Variants in MYOZ2 observed in about 807,000 individuals in gnomAD.
The protein encoded by MYOZ2 is myozenin 2, also known as myozenin-2.
A neutral mutation model predicts 25.4 loss-of-function variants in MYOZ2; 19 were observed. The observed-to-expected ratio is 0.75, with a 90% CI of 0.52 to 1.10. The LOEUF is 1.10. Ranked by LOEUF, MYOZ2 falls within the 50% of genes least tolerant of loss-of-function variation. The pLI, the probability that MYOZ2 is intolerant of heterozygous loss-of-function variation, is 0.00. For synonymous variants in MYOZ2, 92 were observed against 106.9 expected (o/e 0.86, Z 0.86); for missense variants, 270 against 317.9 (o/e 0.85, Z 1.15).
chr4:119,173,529 G>A (rs2149227791), intron 5 of MYOZ2, among the ~76,000 whole-genome samples: 1 of 152,344 alleles, frequency 6.6e-6, no homozygotes, highest in South Asian at 2.1e-4. Flanking sequence ...CAAACAGGAT[G>A]TAGCCTCAAT....
At chr4:119,159,164 C>T (rs1741650806) in intron 4 of MYOZ2, among the ~76,000 whole-genome samples, 1 of 152,084 alleles carries the variant, frequency 6.6e-6, no homozygotes, top group African/African-American at 2.4e-5. Context: ...GGGCCAGGCA[C>T]AGTGGCTCAC....
chr4:119,178,774 T>C (rs1307515159), intron 5 of MYOZ2, among the ~76,000 whole-genome samples: 1 of 152,078 alleles, frequency 6.6e-6, no homozygotes, highest in African/African-American at 2.4e-5. Context: ...ACCCGGCTAA[T>C]TTTTGTGTTT....
intron 5 of MYOZ2, among the ~76,000 whole-genome samples, chr4:119,174,748 C>A (rs541030925): frequency 2.0e-5 from 3 of 152,150 alleles, no homozygotes; most frequent in African/African-American, 7.2e-5. Context: ...GCAACCCGCT[C>A]GGGTCCCCTT....
chr4:119,154,908 A>G (rs1172705179), intron 3 of MYOZ2, among the ~76,000 whole-genome samples: 1 of 146,790 alleles, frequency 6.8e-6, no homozygotes, highest in Non-Finnish European at 1.5e-5. Flanking sequence ...TTCTTAGTCC[A>G]TCCATGTTGT....
chr4:119,152,496 T>C (rs565799671), intron 3 of MYOZ2, among the ~76,000 whole-genome samples: 2 of 152,240 alleles, frequency 1.3e-5, no homozygotes, highest in Non-Finnish European at 2.9e-5. Context: ...ATGCTTTAAC[T>C]ACAATTCTGA....
intron 5 of MYOZ2, among the ~76,000 whole-genome samples, chr4:119,169,375 G>A (rs946571271): frequency 2.0e-5 from 3 of 152,092 alleles, no homozygotes; most frequent in Non-Finnish European, 4.4e-5. Flanking sequence ...TTATATCTTT[G>A]GCTTAAATGC....
intron 5 of MYOZ2, among the ~76,000 whole-genome samples, chr4:119,176,996 G>C (rs1480947291): frequency 6.6e-6 from 1 of 152,196 alleles, no homozygotes; most frequent in African/African-American, 2.4e-5. Flanking sequence ...GGGAGGCGGA[G>C]GTTGCAGTGA....
intron 5 of MYOZ2, among the ~76,000 whole-genome samples, chr4:119,178,859 G>C (rs1433998098): frequency 6.6e-6 from 1 of 152,098 alleles, no homozygotes; most frequent in African/African-American, 2.4e-5. Flanking sequence ...CACCTGCCTC[G>C]GCCTCCCAAA....
At chr4:119,142,502 G>A (rs1305413378) in intron 2 of MYOZ2, among the ~76,000 whole-genome samples, 1 of 152,112 alleles carries the variant, frequency 6.6e-6, no homozygotes, top group Non-Finnish European at 1.5e-5. Context: ...AATAAGCAAG[G>A]GTGAATATTC....
chr4:119,159,205 G>A (rs947731374), intron 4 of MYOZ2, among the ~76,000 whole-genome samples: 3 of 152,090 alleles, frequency 2.0e-5, no homozygotes, highest in Non-Finnish European at 4.4e-5. Flanking sequence ...GGGAGGCTGA[G>A]GATCACTTTA....
chr4:119,137,799 T>A (rs1306370382), intron 2 of MYOZ2, among the ~76,000 whole-genome samples: 1 of 152,206 alleles, frequency 6.6e-6, no homozygotes, highest in Non-Finnish European at 1.5e-5. Flanking sequence ...AATTCATGCC[T>A]TATTTAAAAT....
Position 119,186,784 on chromosome 4 carries a change from A to G in MYOZ2, c.*584A>G, listed in dbSNP as rs1388306224. On this transcript the variant is annotated 3_prime_UTR_variant, in exon 6 of 6. Transcript: ENST00000307128. ...TGAATCATTAGGTAATTTATTCTGG[A>G]TGATATTCTCCAAAATTCAATTCAG... The G allele has an allele frequency of 6.6e-6, 1 of 152,624 alleles. No homozygotes were observed. The highest frequency in any genetic ancestry group is 2.1e-4 in the South Asian group (1 of 4,844). 9.5% of individuals were successfully genotyped at this position (152,624 alleles called of 1,614,324 possible).
chr4:119,145,549 T>TG (rs869155481), intron 2 of MYOZ2, among the ~76,000 whole-genome samples: 39,969 of 100,512 alleles, frequency 0.4, 6,497 homozygotes, highest in Non-Finnish European at 0.51. Flanking sequence ...TGTGTGTGTG[T>TG]TTTTGGTAGA....
At chr4:119,180,332 T>C (rs1445066618) in intron 5 of MYOZ2, among the ~76,000 whole-genome samples, 1 of 152,202 alleles carries the variant, frequency 6.6e-6, no homozygotes, top group East Asian at 1.9e-4. Flanking sequence ...ATGATATACC[T>C]AATAATTAAA....
chr4:119,168,716 A>AAT (rs1741886381), intron 5 of MYOZ2, among the ~76,000 whole-genome samples: 1 of 149,432 alleles, frequency 6.7e-6, no homozygotes, highest in African/African-American at 2.6e-5. Context: ...ACAACAAAAA[A>AAT]CCACCTGAGC....
At chr4:119,180,486 A>G (rs1416253738) in intron 5 of MYOZ2, among the ~76,000 whole-genome samples, 1 of 152,210 alleles carries the variant, frequency 6.6e-6, no homozygotes, top group Non-Finnish European at 1.5e-5. Flanking sequence ...TTTCTGTCAT[A>G]TAAATATTTT....
chr4:119,155,971 C>T (rs1663811177), intron 3 of MYOZ2, among the ~76,000 whole-genome samples: 1 of 152,100 alleles, frequency 6.6e-6, no homozygotes, highest in Admixed American at 6.6e-5. Context: ...TCGCTGACTG[C>T]TTGTGCTATA....
chr4:119,153,972 A>G (rs1244487984), intron 3 of MYOZ2, among the ~76,000 whole-genome samples: 1 of 152,122 alleles, frequency 6.6e-6, no homozygotes, highest in Non-Finnish European at 1.5e-5. Context: ...AAATGGAAGA[A>G]TGCCTCATGA....
In MYOZ2 at chr4:119,186,357, T is replaced by C. The variant is rs1252376054; in HGVS notation, c.*157T>C. ...CATTCAATTTCAATCTCAGATCAAATACTAATAAACAATTAGAAATCTTAC... is the reference window on the plus strand; with the variant it reads ...CATTCAATTTCAATCTCAGATCAAACACTAATAAACAATTAGAAATCTTAC... On this transcript the variant is annotated 3_prime_UTR_variant, in exon 6 of 6. Transcript: ENST00000307128. 4.8e-6 allele frequency: 3 copies of C among 630,830 alleles called. No homozygotes were observed. The highest frequency in any genetic ancestry group is 8.2e-6 in the Non-Finnish European group (3 of 364,246). 39.1% of individuals were successfully genotyped at this position (630,830 alleles called of 1,614,324 possible). A position where few individuals can be genotyped will look rare whatever the true frequency, so the allele number is the denominator to read the frequency against.
Sources: gnomAD v4.1 joint callset for allele counts (sites outside exome capture counted in the v4.1 genomes callset) on GRCh38, gnomAD v4.1.1 for gene constraint, MANE v1.5 for transcripts, NCBI Gene and HGNC (gene_info 2026-07-23, HGNC 2026-07-21) for gene names.